The following MCOLN2 variants were observed in gnomAD, a reference collection of about 807,000 sequenced individuals.
MCOLN2 encodes the protein mucolipin-2.
MCOLN2 carries 57 observed loss-of-function variants against 67.5 expected under a neutral mutation model. The observed-to-expected ratio is 0.84, with a 90% CI of 0.68 to 1.05. The LOEUF (loss-of-function observed/expected upper bound fraction) is 1.05. MCOLN2 is among the 50% of genes least tolerant of loss of function. MCOLN2 has a pLI of 0.00. For synonymous variants in MCOLN2, 246 were observed against 233.3 expected (o/e 1.05, Z -0.50); for missense variants, 620 against 678.8 (o/e 0.91, Z 0.96).
At chr1:84,953,303 G>A (rs572670580) in intron 4 of MCOLN2, among the ~76,000 whole-genome samples, 12 of 152,176 alleles carry the variant, frequency 7.9e-5, no homozygotes, top group South Asian at 2.1e-4. Flanking sequence ...TGTAATCCCC[G>A]CTCTTTAGGA....
At chr1:84,931,659 G>A in intron 11 of MCOLN2, 91 bp from the exon 12 acceptor site, 1 of 1,053,366 alleles carries the variant, frequency 9.5e-7, no homozygotes, top group Non-Finnish European at 1.4e-6. Flanking sequence ...CATTGTTTTT[G>A]TCATTGTAGT....
intron 1 of MCOLN2, among the ~76,000 whole-genome samples, chr1:84,981,845 T>A (rs1650269519): frequency 6.6e-6 from 1 of 152,188 alleles, no homozygotes; most frequent in South Asian, 2.1e-4. Flanking sequence ...GGATAAATGC[T>A]TGAGGGAATG....
chr1:84,990,141 A>AC (rs1274367557), intron 1 of MCOLN2, among the ~76,000 whole-genome samples: 75 of 107,208 alleles, frequency 7.0e-4, no homozygotes, highest in African/African-American at 2.1e-3. Context: ...CTAAAAACAC[A>AC]AAAAAAATTA....
intron 1 of MCOLN2, among the ~76,000 whole-genome samples, chr1:84,973,377 C>G (rs1000917704): frequency 1.3e-5 from 2 of 152,092 alleles, no homozygotes; most frequent in Non-Finnish European, 2.9e-5. Flanking sequence ...ACTCGGGAGG[C>G]AGAGGTAGTA....
chr1:84,938,066 T>C lies in MCOLN2; in HGVS notation c.1127A>G (p.Asp376Gly), dbSNP rs1447519361. ...EIKAKNLTNY[D>G]LCSIFLGTST... is the part of the protein sequence containing the mutation. Reference sequence around the variant, plus strand: ...GGTTCCAAGAAAAATGCTGCAGAGATCATAGTTTGTGAGATTCTAAGGAAT... The same window carrying C: ...GGTTCCAAGAAAAATGCTGCAGAGACCATAGTTTGTGAGATTCTAAGGAAT... The change falls in exon 10 of 14, where the codon GAT (aspartate) becomes GGT (glycine). Residue 376 changes from aspartate (D) to glycine (G), a missense_variant. Transcript: ENST00000370608. 7 of 1,611,614 alleles carry C rather than the reference T, an allele frequency of 4.3e-6. No individual in the cohort carries two copies. The Admixed American group carries it at 5.0e-5, about 12-fold the overall frequency.
chr1:84,938,461 CT>C (rs938481601), intron 9 of MCOLN2, among the ~76,000 whole-genome samples: 3 of 152,194 alleles, frequency 2.0e-5, no homozygotes, highest in Non-Finnish European at 4.4e-5. Flanking sequence ...AATTCAGCTG[CT>C]TTTGAAAGAA....
intron 7 of MCOLN2, 63 bp downstream of exon 7, chr1:84,946,970 G>A: frequency 1.2e-6 from 1 of 804,620 alleles, no homozygotes; most frequent in South Asian, 1.5e-5. Context: ...AATACCCCAA[G>A]CCACAAAATA....
intron 1 of MCOLN2, among the ~76,000 whole-genome samples, chr1:84,983,020 A>AT (rs893381727): frequency 3.3e-4 from 48 of 147,020 alleles, no homozygotes; most frequent in South Asian, 1.1e-3. Context: ...GTCCGGAAGA[A>AT]TTTTTTTTTT....
At chr1:84,977,766 GAGAT>G (rs1228064828) in intron 1 of MCOLN2, among the ~76,000 whole-genome samples, 1 of 152,134 alleles carries the variant, frequency 6.6e-6, no homozygotes, top group Non-Finnish European at 1.5e-5. Flanking sequence ...GCTAATAAGA[GAGAT>G]AGGCCCCAAT....
chr1:84,947,098 A>AT lies in MCOLN2; in HGVS notation c.781dup (p.Ile261AsnfsTer6). 6.2e-7 allele frequency: 1 copy of AT among 1,600,592 alleles called. No homozygotes were observed. Among genetic ancestry groups the AT allele is most frequent in the Non-Finnish European group, 8.6e-7 (1 of 1,168,190 alleles). On this transcript the variant is annotated frameshift_variant, in exon 7 of 14. Transcript: ENST00000370608. LOFTEE classifies it high-confidence loss of function. ...GGCATCACTGTCAAAATAGATTTTGATTTTGCCACTGTGAGCTTTATTGTC... is the reference window on the plus strand; with the variant it reads ...GGCATCACTGTCAAAATAGATTTTGATTTTTGCCACTGTGAGCTTTATTGTC...
At chr1:84,977,575 G>A (rs664763) in intron 1 of MCOLN2, among the ~76,000 whole-genome samples, 5,512 of 152,110 alleles carry the variant, frequency 0.036, 329 homozygotes, top group African/African-American at 0.13. Context: ...AACCAAAAAA[G>A]AGCAGGAGTA....
intron 1 of MCOLN2, among the ~76,000 whole-genome samples, chr1:84,988,274 A>T (rs1650718299): frequency 1.3e-5 from 2 of 151,468 alleles, no homozygotes; most frequent in African/African-American, 4.9e-5. Context: ...CTGGTCTTGA[A>T]CTCTTGGACT....
chr1:84,939,115 T>G (rs149815809), intron 9 of MCOLN2, among the ~76,000 whole-genome samples: 1,834 of 152,096 alleles, frequency 0.012, 23 homozygotes, highest in Non-Finnish European at 0.016. Context: ...TGAGGCTTAG[T>G]TAGGAGATCA....
intron 1 of MCOLN2, among the ~76,000 whole-genome samples, chr1:84,993,179 G>T (rs7516329): frequency 0.42 from 63,927 of 151,972 alleles, 14,181 homozygotes; most frequent in East Asian, 0.63. Context: ...AACCACTTTC[G>T]TTGCTCATCC....
At chr1:84,967,594 G>T (rs1571009943) in intron 1 of MCOLN2, among the ~76,000 whole-genome samples, 1 of 152,010 alleles carries the variant, frequency 6.6e-6, no homozygotes, top group African/African-American at 2.4e-5. Context: ...TTTCTAAATA[G>T]ATTTTTAAAT....
chr1:84,996,927 T>C lies in MCOLN2; in HGVS notation c.-55A>G. 1 of 1,493,044 alleles carries C rather than the reference T, an allele frequency of 6.7e-7. No homozygotes were observed. Among genetic ancestry groups the C allele is most frequent in the East Asian group, 2.3e-5 (1 of 44,082 alleles). 92.5% of individuals were successfully genotyped at this position (1,493,044 alleles called of 1,614,324 possible). On this transcript the variant is annotated 5_prime_UTR_variant, in exon 1 of 14. Transcript: ENST00000370608. Reference sequence around the variant, plus strand: ...TCGGGATTCGGAACAGGAAACACCGTTCACGGCCGACTCATTTCGCCCTCG... The same window carrying C: ...TCGGGATTCGGAACAGGAAACACCGCTCACGGCCGACTCATTTCGCCCTCG...
chr1:84,942,706 A>T (rs11804293), intron 7 of MCOLN2, among the ~76,000 whole-genome samples: 165 of 152,324 alleles, frequency 1.1e-3, no homozygotes, highest in African/African-American at 3.8e-3. Context: ...CAGTATTGAG[A>T]GGGAGGGCCT....
intron 1 of MCOLN2, among the ~76,000 whole-genome samples, chr1:84,978,681 T>C (rs1650110486): frequency 6.6e-6 from 1 of 151,892 alleles, no homozygotes; most frequent in South Asian, 2.1e-4. Context: ...CAATAACAAG[T>C]AATGAGATCG....
chr1:84,937,705 C>T lies in MCOLN2; in HGVS notation c.1335+50G>A, dbSNP rs891044337. 2.5e-6 allele frequency: 4 copies of T among 1,604,388 alleles called. No homozygotes were observed. The Middle Eastern group carries it at 5.0e-4, about 200-fold the overall frequency. On this transcript the variant is annotated intron_variant, in intron 11 of 13. Transcript: ENST00000370608. ...CAAGTAAGTGCTAGAAACCCACGTT[C>T]AAGGGTCCCACGTGCCCCATCTGCA...
Sources: gnomAD v4.1 joint callset for allele counts (sites outside exome capture counted in the v4.1 genomes callset) on GRCh38, gnomAD v4.1.1 for gene constraint, MANE v1.5 for transcripts, NCBI Gene and HGNC (gene_info 2026-07-23, HGNC 2026-07-21) for gene names.